FAT3: variants seen among roughly 807,000 people sequenced by gnomAD.
The protein encoded by FAT3 is protocadherin Fat 3.
Under a neutral mutation model 310.2 loss-of-function variants are expected in FAT3, and 95 were observed. That is an observed-to-expected ratio of 0.31 (90% CI 0.26 to 0.36). FAT3 has a LOEUF of 0.36. FAT3 is among the 10% of genes least tolerant of loss of function. FAT3 has a pLI of 1.00. For synonymous variants in FAT3, 2,314 were observed against 2,192.9 expected (o/e 1.06, Z -1.54); for missense variants, 5,408 against 5,715.6 (o/e 0.95, Z 1.74).
chr11:92,856,353 C>A (rs550542788), intron 19 of FAT3, among the ~76,000 whole-genome samples: 10 of 152,060 alleles, frequency 6.6e-5, no homozygotes, highest in Non-Finnish European at 1.2e-4. Flanking sequence ...TTTTATAATT[C>A]TTTTACCACT....
chr11:92,593,926 G>A (rs377361370), intron 3 of FAT3, among the ~76,000 whole-genome samples: 18 of 152,210 alleles, frequency 1.2e-4, no homozygotes, highest in African/African-American at 3.9e-4. Context: ...CTTGTTTGGG[G>A]TGCCAGAAAC....
chr11:92,498,376 A>G (rs890325514), intron 2 of FAT3: 1 of 228,708 alleles, frequency 4.4e-6, no homozygotes, highest in South Asian at 7.6e-5. Context: ...TCTGGAATCT[A>G]TTTATTGACC....
chr11:92,873,260 A>G (rs760468781), intron 22 of FAT3, among the ~76,000 whole-genome samples: 1 of 152,196 alleles, frequency 6.6e-6, no homozygotes, highest in Non-Finnish European at 1.5e-5. Context: ...GGTAACAGCC[A>G]GAATCTAAAC....
intron 3 of FAT3, among the ~76,000 whole-genome samples, chr11:92,633,669 G>A (rs1344517366): frequency 6.6e-6 from 1 of 152,132 alleles, no homozygotes; most frequent in Non-Finnish European, 1.5e-5. Flanking sequence ...CCAGGCTCTT[G>A]CTCATCCTGC....
intron 4 of FAT3, among the ~76,000 whole-genome samples, chr11:92,758,252 A>G (rs3912652): frequency 0.75 from 114,402 of 152,074 alleles, 44,141 homozygotes; most frequent in Non-Finnish European, 0.83. Context: ...TTGAATGGAG[A>G]TCAACAAGCA....
chr11:92,795,159 G>T (rs560438141), intron 9 of FAT3, among the ~76,000 whole-genome samples: 2 of 152,218 alleles, frequency 1.3e-5, no homozygotes, highest in East Asian at 3.9e-4. Flanking sequence ...TTTGTGTTTG[G>T]TGTCAATGGT....
intron 1 of FAT3, among the ~76,000 whole-genome samples, chr11:92,311,470 G>C (rs1947302958): frequency 6.6e-6 from 1 of 152,014 alleles, no homozygotes; most frequent in African/African-American, 2.4e-5. Flanking sequence ...GTATATGTTG[G>C]GATACCCAAT....
intron 3 of FAT3, among the ~76,000 whole-genome samples, chr11:92,632,722 G>T (rs1565473415): frequency 6.6e-6 from 1 of 152,312 alleles, no homozygotes; most frequent in African/African-American, 2.4e-5. Flanking sequence ...TGTGCTGCAG[G>T]TTCAATGGCA....
intron 3 of FAT3, among the ~76,000 whole-genome samples, chr11:92,577,161 A>G (rs1037453247): frequency 7.2e-5 from 11 of 151,930 alleles, no homozygotes; most frequent in African/African-American, 2.7e-4. Context: ...CCCAGGCTGT[A>G]GTGCAGTGAC....
At chr11:92,308,287 A>G (rs1591084678) in intron 1 of FAT3, among the ~76,000 whole-genome samples, 1 of 152,342 alleles carries the variant, frequency 6.6e-6, no homozygotes, top group East Asian at 1.9e-4. Flanking sequence ...TTGAAATTAC[A>G]AATTAAACTA....
Position 92,531,741 on chromosome 11 carries a change from C to G in FAT3, c.3607+6793C>G, listed in dbSNP as rs141972029. 7.4e-4 allele frequency among the ~76,000 whole-genome samples: 113 copies of G among 151,920 alleles called. 1 individual carries two copies. The East Asian group carries it at 0.019, about 25-fold the overall frequency. ...AAATTAAGTCCAGAGTGTGGACTCG[C>G]TCTGCCTTCATATAGCTTCATTTTT... On this transcript the variant is annotated intron_variant, in intron 3 of 27. Coordinates refer to ENST00000525166, the MANE Select transcript of FAT3 (RefSeq NM_001367949.2).
intron 7 of FAT3, among the ~76,000 whole-genome samples, chr11:92,778,994 C>T (rs78839225): frequency 0.041 from 6,309 of 152,096 alleles, 282 homozygotes; most frequent in East Asian, 0.21. Flanking sequence ...AGAAGTGTTC[C>T]TCATGTTAAT....
chr11:92,445,235 C>T (rs529431573), intron 2 of FAT3, among the ~76,000 whole-genome samples: 2 of 152,170 alleles, frequency 1.3e-5, no homozygotes, highest in Non-Finnish European at 2.9e-5. Context: ...CACTGTTGTA[C>T]GTCAGTAGCT....
intron 1 of FAT3, among the ~76,000 whole-genome samples, chr11:92,291,484 G>C (rs954351668): frequency 6.6e-6 from 1 of 152,124 alleles, no homozygotes; most frequent in Non-Finnish European, 1.5e-5. Flanking sequence ...TCAGGATGTA[G>C]AGGGGAGGAA....
chr11:92,571,942 A>T (rs1486244894), intron 3 of FAT3, among the ~76,000 whole-genome samples: 1 of 152,212 alleles, frequency 6.6e-6, no homozygotes, highest in Non-Finnish European at 1.5e-5. Flanking sequence ...GAACTTTAAC[A>T]TTTCACTGTC....
At chr11:92,595,648 C>T (rs1417372600) in intron 3 of FAT3, among the ~76,000 whole-genome samples, 1 of 152,188 alleles carries the variant, frequency 6.6e-6, no homozygotes, top group Non-Finnish European at 1.5e-5. Flanking sequence ...TAAAGGCAAG[C>T]TTATTCCCAC....
chr11:92,767,619 C>T (rs1421566321), intron 6 of FAT3, among the ~76,000 whole-genome samples: 8 of 152,170 alleles, frequency 5.3e-5, no homozygotes, highest in Non-Finnish European at 1.0e-4. Flanking sequence ...CTTCATCATT[C>T]CTGCATGTGT....
chr11:92,467,083 T>C (rs1951782123), intron 2 of FAT3, among the ~76,000 whole-genome samples: 1 of 152,146 alleles, frequency 6.6e-6, no homozygotes, highest in South Asian at 2.1e-4. Flanking sequence ...TATAGTCTTT[T>C]GGGTATATAC....
At chr11:92,550,526 A>G (rs1024363106) in intron 3 of FAT3, among the ~76,000 whole-genome samples, 12 of 152,194 alleles carry the variant, frequency 7.9e-5, no homozygotes, top group African/African-American at 2.7e-4. Flanking sequence ...TTAGACTATG[A>G]TGACCACTGG....
Sources: allele counts gnomAD v4.1 joint callset (sites outside exome capture counted in the v4.1 genomes callset), GRCh38; gene constraint gnomAD v4.1.1; transcripts MANE v1.5; gene names NCBI Gene and HGNC (gene_info 2026-07-23, HGNC 2026-07-21).